Variants in GRIN3A observed in about 807,000 individuals in gnomAD.
GRIN3A encodes glutamate ionotropic receptor NMDA type subunit 3A.
GRIN3A carries 47 observed loss-of-function variants against 92.4 expected under a neutral mutation model. That is an observed-to-expected ratio of 0.51 (90% CI 0.40 to 0.65). GRIN3A has a LOEUF of 0.65. Among genes scored for constraint, GRIN3A ranks in the 30% least tolerant of loss-of-function variants. GRIN3A has a pLI of 0.00. For synonymous variants in GRIN3A, 527 were observed against 540.6 expected (o/e 0.97, Z 0.35); for missense variants, 1,324 against 1,393.1 (o/e 0.95, Z 0.79).
chr9:101,723,209 A>G lies in GRIN3A; in HGVS notation c.699+14072T>C, dbSNP rs1588298149. Among the ~76,000 whole-genome samples the G allele has an allele frequency of 2.0e-5, 3 of 152,312 alleles. No individual in the cohort carries two copies. In the South Asian group the frequency reaches 6.2e-4, roughly 32 times the overall value. The stretch of plus-strand genomic sequence containing the variant: ...CTCGCGGTGAGTGTTACAGCTCTTA[A>G]GGTGGCGCGTCTGGAGTTTGTTCCT... On this transcript the variant is annotated intron_variant, in intron 1 of 8. Coordinates refer to ENST00000361820, the MANE Select transcript of GRIN3A (RefSeq NM_133445.3).
chr9:101,727,600 T>C (rs553642149), intron 1 of GRIN3A, among the ~76,000 whole-genome samples: 1 of 152,166 alleles, frequency 6.6e-6, no homozygotes, highest in African/African-American at 2.4e-5. Context: ...TGGACACATT[T>C]TGAGATATCT....
intron 2 of GRIN3A, among the ~76,000 whole-genome samples, chr9:101,676,396 TC>T (rs1829395518): frequency 6.6e-6 from 1 of 151,934 alleles, no homozygotes; most frequent in African/African-American, 2.4e-5. Context: ...AATTAATTTT[TC>T]CCCCTGGGAA....
At chr9:101,603,686 A>T (rs1828239014) in intron 6 of GRIN3A, among the ~76,000 whole-genome samples, 1 of 152,236 alleles carries the variant, frequency 6.6e-6, no homozygotes, top group Non-Finnish European at 1.5e-5. Flanking sequence ...TGACTGGATA[A>T]CAAGCGGGCC....
chr9:101,718,580 A>G (rs1159180954), intron 1 of GRIN3A, among the ~76,000 whole-genome samples: 1 of 152,226 alleles, frequency 6.6e-6, no homozygotes, highest in Non-Finnish European at 1.5e-5. Context: ...TTCACCTTAT[A>G]GGTTACTGTT....
chr9:101,675,104 G>T (rs986508566), intron 2 of GRIN3A, among the ~76,000 whole-genome samples: 2 of 151,970 alleles, frequency 1.3e-5, no homozygotes, highest in Non-Finnish European at 2.9e-5. Context: ...TGATAAGGGC[G>T]TGGATCTAAC....
At chr9:101,612,683 C>T (rs1828382273) in intron 6 of GRIN3A, among the ~76,000 whole-genome samples, 1 of 151,992 alleles carries the variant, frequency 6.6e-6, no homozygotes, top group Admixed American at 6.5e-5. Flanking sequence ...TCTGGTTATA[C>T]CTTCCAGTCT....
chr9:101,594,921 T>C, intron 6 of GRIN3A: 1 of 1,598,206 alleles, frequency 6.3e-7, no homozygotes, highest in Non-Finnish European at 8.5e-7. Context: ...TCGTTTCCCA[T>C]TGTGGACATC....
At position 101,738,603 on chromosome 9, in the gene GRIN3A, C is replaced by A. The variant is rs1270530488; in HGVS notation, c.-624G>T. On this transcript the variant is annotated 5_prime_UTR_variant, in exon 1 of 9. Transcript: ENST00000361820. ...CTGCCTTTCTTTCGTTATTTTTCCA[C>A]CGAGTCGCCACCGCCGCTTGCTTCC... The A allele has an allele frequency of 6.5e-6, 1 of 153,512 alleles. No homozygotes were observed. Among genetic ancestry groups the A allele is most frequent in the East Asian group, 1.9e-4 (1 of 5,164 alleles). The allele number at this position is 153,512 out of a possible 1,614,324, so 9.5% of individuals were successfully genotyped here.
intron 1 of GRIN3A, among the ~76,000 whole-genome samples, chr9:101,713,373 C>G (rs764874458): frequency 6.6e-6 from 1 of 152,012 alleles, no homozygotes; most frequent in Non-Finnish European, 1.5e-5. Flanking sequence ...TGATTCCCAA[C>G]AAAAAGGGCA....
rs752420178 is a variant in GRIN3A, at chr9:101,686,777, T to G, written c.1123A>C (p.Ile375Leu). The G allele has an allele frequency of 3.1e-6, 5 of 1,614,042 alleles. No homozygotes were observed. The highest frequency in any genetic ancestry group is 3.3e-5 in the Admixed American group (2 of 59,996). ...GACTGTGTTGTTTTTCCATGAGCAA[T>G]GAGCCCTAAGGGCAGACCCTCTGTC... The part of the protein sequence containing the change: ...LRTEGLPLGL[I>L]AHGKTTQSVF... Residue 375 changes from isoleucine to leucine, a missense_variant, in exon 2 of 9, where the codon ATT (isoleucine) becomes CTT (leucine). Coordinates refer to ENST00000361820, the MANE Select transcript of GRIN3A (RefSeq NM_133445.3).
intron 1 of GRIN3A, among the ~76,000 whole-genome samples, chr9:101,703,341 C>A (rs10989597): frequency 0.17 from 26,309 of 152,142 alleles, 2,816 homozygotes; most frequent in Non-Finnish European, 0.24. Context: ...CTGAGTGGAA[C>A]CTTCTTCCTC....
rs187875653 is a variant in GRIN3A, at chr9:101,573,555, G to T, written c.3009-42C>A. On this transcript the variant is annotated intron_variant, in intron 8 of 8. Transcript: ENST00000361820. ...TTTTAGATTTACTTTCCATTCTGCA[G>T]CTCTCAAGGTGCTGTCTTCATCTGT... The T allele has an allele frequency of 6.9e-6, 10 of 1,454,162 alleles. No individual in the cohort carries two copies. The East Asian group carries it at 1.8e-4, about 26-fold the overall frequency. 90.1% of individuals were successfully genotyped at this position (1,454,162 alleles called of 1,614,324 possible).
rs1260938577 is a variant in GRIN3A at position 101,624,710 on chromosome 9, C to T, written c.2499-1277G>A. On this transcript the variant is annotated intron_variant, in intron 4 of 8. Coordinates refer to ENST00000361820, the MANE Select transcript of GRIN3A (RefSeq NM_133445.3). The stretch of plus-strand genomic sequence containing the variant: ...ACATGTGCATGTGTCTTTATAGCAG[C>T]ATGATTTATAGTTCTTTGGGTATAT... Among the ~76,000 whole-genome samples, 5 of 152,092 alleles carry T rather than the reference C, an allele frequency of 3.3e-5. No homozygotes were observed. The East Asian group carries it at 9.6e-4, about 29-fold the overall frequency.
rs762297591 is a variant in GRIN3A, at chr9:101,687,000, G to T, written c.900C>A (p.Asn300Lys). The change falls in exon 2 of 9, where the codon AAC (asparagine) becomes AAA (lysine). Residue 300 changes from asparagine (N) to lysine (K), a missense_variant. Physicochemically the swap from Asn to Lys is moderately conservative, Grantham distance 94 (BLOSUM62 0). Coordinates refer to ENST00000361820, the MANE Select transcript of GRIN3A (RefSeq NM_133445.3). ...TCAAGAGGTCCTGGGTGGAGGGGAG[G>T]TTAGCGGTGATGTTGATGATAGAAC... is the stretch of plus-strand genomic sequence containing the variant. The part of the protein sequence containing the change: ...HLGSIINITA[N>K]LPSTQDLLSF... 6.2e-7 allele frequency: 1 copy of T among 1,614,182 alleles called. No homozygotes were observed. The highest frequency in any genetic ancestry group is 1.7e-5 in the Admixed American group (1 of 60,022).
intron 6 of GRIN3A, among the ~76,000 whole-genome samples, chr9:101,610,938 A>C (rs935341014): frequency 6.6e-6 from 1 of 152,002 alleles, no homozygotes; most frequent in Non-Finnish European, 1.5e-5. Context: ...CTCCACTAAA[A>C]ACACAAAAAA....
intron 1 of GRIN3A, among the ~76,000 whole-genome samples, chr9:101,701,906 G>A (rs1307201431): frequency 1.3e-5 from 2 of 152,032 alleles, no homozygotes; most frequent in Non-Finnish European, 2.9e-5. Context: ...TCTCCCACCA[G>A]CTTACAGATA....
chr9:101,646,710 G>A (rs547139625), intron 3 of GRIN3A, among the ~76,000 whole-genome samples: 1 of 151,556 alleles, frequency 6.6e-6, no homozygotes, highest in East Asian at 1.9e-4. Context: ...GTGTTTTATA[G>A]TTTTCATTCT....
intron 3 of GRIN3A, among the ~76,000 whole-genome samples, chr9:101,634,501 T>G (rs1228600237): frequency 6.6e-6 from 1 of 151,626 alleles, no homozygotes; most frequent in Non-Finnish European, 1.5e-5. Flanking sequence ...AATTCATATC[T>G]AATGAGATTG....
At chr9:101,675,212 A>T (rs1022199698) in intron 2 of GRIN3A, among the ~76,000 whole-genome samples, 1 of 152,028 alleles carries the variant, frequency 6.6e-6, no homozygotes, top group Admixed American at 6.6e-5. Context: ...TTCTCCTTAA[A>T]AGAATGAGGC....
Sources: gnomAD v4.1 joint callset for allele counts (sites outside exome capture counted in the v4.1 genomes callset) on GRCh38, gnomAD v4.1.1 for gene constraint, MANE v1.5 for transcripts, NCBI Gene and HGNC (gene_info 2026-07-23, HGNC 2026-07-21) for gene names.